The following HNRNPR variants were observed in gnomAD, a reference collection of about 807,000 sequenced individuals.
HNRNPR encodes heterogeneous nuclear ribonucleoprotein R.
In HNRNPR, 4 loss-of-function variants were observed where a neutral mutation model predicts 70.3. The observed-to-expected ratio is 0.06, with a 90% CI of 0.03 to 0.13. HNRNPR has a LOEUF of 0.13. HNRNPR is among the 10% of genes least tolerant of loss of function. HNRNPR has a pLI of 1.00. For synonymous variants in HNRNPR, 241 were observed against 267.6 expected, an observed-to-expected ratio of 0.90 and a Z score of 0.97; for missense variants, 423 against 788.5, an observed-to-expected ratio of 0.54 and a Z score of 5.55.
intron 5 of HNRNPR, among the ~76,000 whole-genome samples, chr1:23,328,360 G>A (rs567237409): frequency 5.8e-4 from 88 of 152,316 alleles, no homozygotes; most frequent in African/African-American, 2.1e-3. Flanking sequence ...GGGCAATCTG[G>A]GAAAGAGATG....
At chr1:23,311,773 C>G (rs1044968371) in intron 9 of HNRNPR, 2 of 153,080 alleles carry the variant, frequency 1.3e-5, no homozygotes, top group Non-Finnish European at 2.9e-5. Context: ...TGTTCTTATA[C>G]GACAATTTCA....
chr1:23,333,961 T>C (rs1646351578), intron 4 of HNRNPR, among the ~76,000 whole-genome samples: 2 of 152,194 alleles, frequency 1.3e-5, no homozygotes, highest in Non-Finnish European at 1.5e-5. Context: ...TTGCCCAGGC[T>C]GGAGTGCAGT....
chr1:23,314,988 TGAA>T (rs1185860665), intron 8 of HNRNPR, among the ~76,000 whole-genome samples: 2 of 151,876 alleles, frequency 1.3e-5, no homozygotes, highest in South Asian at 2.1e-4. Flanking sequence ...TCATAAAAAA[TGAA>T]GAAGAGGGCT....
At chr1:23,324,008 T>C (rs1239245152) in intron 5 of HNRNPR, among the ~76,000 whole-genome samples, 1 of 151,996 alleles carries the variant, frequency 6.6e-6, no homozygotes, top group African/African-American at 2.4e-5. Flanking sequence ...CTTGACTTTT[T>C]CTCATAAAAA....
intron 5 of HNRNPR, among the ~76,000 whole-genome samples, chr1:23,331,628 A>G (rs553725353): frequency 3.3e-5 from 5 of 151,842 alleles, no homozygotes; most frequent in African/African-American, 1.2e-4. Flanking sequence ...CAGAGGTTGC[A>G]GTGAGACGAA....
At chr1:23,339,657 T>C (rs189374822) in intron 2 of HNRNPR, among the ~76,000 whole-genome samples, 146 of 152,294 alleles carry the variant, frequency 9.6e-4, no homozygotes, top group Middle Eastern at 3.4e-3. Flanking sequence ...TTTAAATAAA[T>C]GTAATGCCAC....
intron 5 of HNRNPR, among the ~76,000 whole-genome samples, chr1:23,325,430 T>C (rs1645932075): frequency 6.6e-6 from 1 of 152,230 alleles, no homozygotes; most frequent in Non-Finnish European, 1.5e-5. Flanking sequence ...CACTGCTATC[T>C]GGTAAAACTT....
intron 5 of HNRNPR, among the ~76,000 whole-genome samples, chr1:23,330,076 T>C (rs1646152638): frequency 6.6e-6 from 1 of 152,176 alleles, no homozygotes. Context: ...TTAAATACAC[T>C]GGGGTTCTGT....
chr1:23,315,865 T>C (rs989744069), intron 8 of HNRNPR, among the ~76,000 whole-genome samples: 2 of 152,192 alleles, frequency 1.3e-5, no homozygotes, highest in African/African-American at 4.8e-5. Context: ...CATACTAAGG[T>C]CCAGCCTCTA....
At chr1:23,313,819 T>G in intron 8 of HNRNPR, 117 bp from the exon 9 acceptor site, 1 of 1,123,104 alleles carries the variant, frequency 8.9e-7, no homozygotes, top group Non-Finnish European at 1.2e-6. Context: ...GCTAAAAGTG[T>G]TGTTACAGGT....
intron 8 of HNRNPR, among the ~76,000 whole-genome samples, chr1:23,315,786 C>T (rs183959641): frequency 6.6e-6 from 1 of 152,196 alleles, no homozygotes; most frequent in Non-Finnish European, 1.5e-5. Flanking sequence ...TAAGAAGATA[C>T]TAATTTAAGG....
rs1645243547 is a variant in HNRNPR at position 23,308,744 on chromosome 1, T to C, written c.*1710A>G. On this transcript the variant is annotated 3_prime_UTR_variant, in exon 11 of 11. Coordinates refer to ENST00000302271, the MANE Select transcript of HNRNPR (RefSeq NM_005826.5). Reference sequence around the variant, plus strand: ...TTCATCAGTAAATAGTAATCTTAAATTGAAATGAAAAGAAGCCATGAAACC... The same window carrying C: ...TTCATCAGTAAATAGTAATCTTAAACTGAAATGAAAAGAAGCCATGAAACC... The C allele has an allele frequency of 6.6e-6, 1 of 152,002 alleles. No homozygotes were observed. Among genetic ancestry groups the C allele is most frequent in the African/African-American group, 2.4e-5 (1 of 41,424 alleles). 9.4% of individuals were successfully genotyped at this position (152,002 alleles called of 1,614,324 possible). A position where few individuals can be genotyped will look rare whatever the true frequency, so the allele number is the denominator to read the frequency against.
At chr1:23,338,647 A>G (rs1646595475) in intron 2 of HNRNPR, 39 bp from the exon 3 acceptor site, 2 of 984,340 alleles carry the variant, frequency 2.0e-6, no homozygotes, top group South Asian at 2.9e-5. Context: ...TATTGCAACA[A>G]AAGGGGTAAT....
intron 7 of HNRNPR, 134 bp downstream of exon 7, chr1:23,321,394 C>A: frequency 1.5e-6 from 1 of 670,538 alleles, no homozygotes; most frequent in Admixed American, 3.2e-5. Flanking sequence ...CACTATAAAG[C>A]AGAAAGGAAG....
At position 23,310,620 on chromosome 1, in the gene HNRNPR, T is replaced by C; in HGVS notation, c.1736A>G (p.Asn579Ser). The change falls in exon 11 of 11, where the codon AAC becomes AGC. Residue 579 changes from asparagine (N) to serine (S), a missense_variant. Around this residue, in one of 7 missense-constraint regions of HNRNPR, gnomAD observed 7 missense variants for 27.8 expected, o/e 0.25. Coordinates refer to ENST00000302271, the MANE Select transcript of HNRNPR (RefSeq NM_005826.5). The surrounding 1 kb of genome is among the most constrained non-coding windows in gnomAD (Gnocchi z 6.0). ...VGGKRKADGY[N>S]QPDSKRRQTN... ...CTGACGACGCTTGGAATCAGGCTGG[T>C]TGTACCCATCTGCCTTTCTCTTGCC... is the stretch of plus-strand genomic sequence containing the variant. 1.2e-6 allele frequency: 2 copies of C among 1,614,156 alleles called. No individual in the cohort carries two copies. The highest frequency in any genetic ancestry group is 1.7e-6 in the Non-Finnish European group (2 of 1,180,010).
At chr1:23,336,623 G>A (rs1374646205) in intron 4 of HNRNPR, among the ~76,000 whole-genome samples, 1 of 137,154 alleles carries the variant, frequency 7.3e-6, no homozygotes. Flanking sequence ...GGTGGCGCAC[G>A]CCTGTAGTCC....
At chr1:23,315,530 A>G (rs10493016) in intron 8 of HNRNPR, among the ~76,000 whole-genome samples, 2 of 151,894 alleles carry the variant, frequency 1.3e-5, no homozygotes, top group African/African-American at 4.8e-5. Flanking sequence ...ACTACCACTC[A>G]TCTAAGAATT....
chr1:23,331,758 A>T (rs986601163), intron 5 of HNRNPR, among the ~76,000 whole-genome samples: 1 of 140,704 alleles, frequency 7.1e-6, no homozygotes, highest in African/African-American at 2.6e-5. Context: ...TGCTTGAGCC[A>T]GGAGGAGTCT....
At chr1:23,333,448 A>C (rs1212510445) in intron 5 of HNRNPR, 70 bp downstream of exon 5, 1 of 883,250 alleles carries the variant, frequency 1.1e-6, no homozygotes, top group Non-Finnish European at 1.9e-6. Context: ...CCGTCTGTAC[A>C]GTATCTGCAT....
Sources: gnomAD v4.1 joint callset for allele counts (sites outside exome capture counted in the v4.1 genomes callset) on GRCh38, gnomAD v4.1.1 for gene constraint, gnomAD v4.1.1 regional missense constraint, Gnocchi (gnomAD v3.1) non-coding constraint, MANE v1.5 for transcripts, NCBI Gene and HGNC (gene_info 2026-07-23, HGNC 2026-07-21) for gene names.